MTSS2: variants seen among roughly 807,000 people sequenced by gnomAD.
MTSS2 encodes protein MTSS 2.
MTSS2 carries 27 observed loss-of-function variants against 67.1 expected under a neutral mutation model. The ratio of observed to expected loss-of-function variants is 0.40; its 90% confidence interval spans 0.30 to 0.55. The LOEUF (loss-of-function observed/expected upper bound fraction) is 0.55. Ranked by LOEUF, MTSS2 falls within the 20% of genes least tolerant of loss-of-function variation. MTSS2 has a pLI of 0.43. For missense variants in MTSS2, 1,171 were observed against 1,067.8 expected, an observed-to-expected ratio of 1.10 and a Z score of -1.35; for synonymous variants, 624 against 468.6, an observed-to-expected ratio of 1.33 and a Z score of -4.28.
intron 11 of MTSS2, among the ~76,000 whole-genome samples, chr16:70,669,905 C>A (rs567764430): frequency 7.2e-5 from 11 of 151,984 alleles, no homozygotes; most frequent in Non-Finnish European, 1.2e-4. Flanking sequence ...TTACTCTGCA[C>A]CCACTAGAAT....
intron 11 of MTSS2, among the ~76,000 whole-genome samples, chr16:70,666,354 G>A (rs1447519191): frequency 6.6e-6 from 1 of 152,170 alleles, no homozygotes; most frequent in Non-Finnish European, 1.5e-5. Flanking sequence ...TCTGGGCAGT[G>A]GGCTGGACTA....
intron 11 of MTSS2, among the ~76,000 whole-genome samples, chr16:70,673,610 G>T (rs2053013060): frequency 6.6e-6 from 1 of 152,146 alleles, no homozygotes; most frequent in African/African-American, 2.4e-5. Flanking sequence ...TGGAGGATTT[G>T]AGATGCAAGA....
Position 70,679,892 on chromosome 16 carries a change from C to A in MTSS2, c.291-15G>T. ...CCAGCAGTGCGCTGCGGAGGGCGGG[C>A]GGGAGCGCAGGTCAGGGCCGGGCTC... On this transcript the variant is annotated splice_polypyrimidine_tract_variant and intron_variant, in intron 4 of 14. Coordinates refer to ENST00000338779, the MANE Select transcript of MTSS2 (RefSeq NM_138383.3). 1 of 1,585,986 alleles carries A rather than the reference C, an allele frequency of 6.3e-7. No individual in the cohort carries two copies.
intron 11 of MTSS2, among the ~76,000 whole-genome samples, chr16:70,668,332 C>A (rs1444399560): frequency 6.6e-6 from 1 of 151,546 alleles, no homozygotes; most frequent in Non-Finnish European, 1.5e-5. Context: ...TTGCTTAAGC[C>A]TGGGGACAGA....
chr16:70,679,196 C>A, intron 7 of MTSS2, 119 bp downstream of exon 7: 1 of 1,343,912 alleles, frequency 7.4e-7, no homozygotes, highest in Non-Finnish European at 1.1e-6. Flanking sequence ...CGTGGACCGA[C>A]CGCCTTCCTC....
At chr16:70,677,079 G>A in intron 9 of MTSS2, 101 bp from the exon 10 acceptor site, 2 of 896,726 alleles carry the variant, frequency 2.2e-6, no homozygotes, top group Non-Finnish European at 3.4e-6. Flanking sequence ...CATCCCAGGA[G>A]AAGACCCAGA....
At chr16:70,679,375 T>C (rs1254333004) in intron 6 of MTSS2, 52 bp from the exon 7 acceptor site, 2 of 1,608,000 alleles carry the variant, frequency 1.2e-6, no homozygotes, top group South Asian at 2.2e-5. Context: ...AGAAAGAATG[T>C]GTGAAAGACG....
At position 70,664,525 on chromosome 16, in the gene MTSS2, G is replaced by C. The variant is rs548050446; in HGVS notation, c.1471+73C>G. 1.5e-5 allele frequency: 24 copies of C among 1,574,962 alleles called. No homozygotes were observed. The East Asian group carries it at 2.7e-4, about 18-fold the overall frequency. ...CCAGCCCACCAGGGTGAGCACAGAG[G>C]GGGAAGGACGGGGCCCTCCTGGATG... is the stretch of plus-strand genomic sequence containing the variant. On this transcript the variant is annotated intron_variant, in intron 14 of 14. Coordinates refer to ENST00000338779, the MANE Select transcript of MTSS2 (RefSeq NM_138383.3).
chr16:70,673,000 A>AAAAT (rs1366074958), intron 11 of MTSS2, among the ~76,000 whole-genome samples: 1 of 152,098 alleles, frequency 6.6e-6, no homozygotes, highest in Non-Finnish European at 1.5e-5. Context: ...GTCTCTACTA[A>AAAAT]AAATACAAAA....
At chr16:70,665,570 A>G (rs750963416) in intron 11 of MTSS2, 30 bp from the exon 12 acceptor site, 2 of 1,536,672 alleles carry the variant, frequency 1.3e-6, no homozygotes, top group South Asian at 1.2e-5. Context: ...AGGCGGTTGC[A>G]GACAGAGGGG....
At position 70,663,905 on chromosome 16, in the gene MTSS2, G is replaced by A; in HGVS notation, c.2016C>T (p.His672=). ...GCTCCCCCAGCTTCTCCACCAGGCTGTGCCGGTTGGCCGCCAGCTGCTGCT... is the reference window on the plus strand; with the variant it reads ...GCTCCCCCAGCTTCTCCACCAGGCTATGCCGGTTGGCCGCCAGCTGCTGCT... ...DEQQQLAANR[H]SLVEKLGELV... is the part of the protein sequence containing the mutation. Residue 672 remains histidine, a synonymous_variant, in exon 15 of 15, where the codon CAC becomes CAT. Coordinates refer to ENST00000338779, the MANE Select transcript of MTSS2 (RefSeq NM_138383.3). 1 of 1,549,012 alleles carries A rather than the reference G, an allele frequency of 6.5e-7. No homozygotes were observed. Among genetic ancestry groups the A allele is most frequent in the Non-Finnish European group, 8.7e-7 (1 of 1,149,070 alleles).
chr16:70,680,712 C>T, intron 3 of MTSS2, 82 bp downstream of exon 3: 1 of 1,282,702 alleles, frequency 7.8e-7, no homozygotes, highest in East Asian at 2.5e-5. Context: ...CCGTCCTTTC[C>T]CTGGCCCATC....
At chr16:70,677,989 C>T (rs2053175838) in intron 8 of MTSS2, 90 bp from the exon 9 acceptor site, 1 of 1,151,284 alleles carries the variant, frequency 8.7e-7, no homozygotes, top group Non-Finnish European at 1.2e-6. Context: ...CCTTGTCGGG[C>T]CTCTCCTCTC....
intron 1 of MTSS2, among the ~76,000 whole-genome samples, chr16:70,682,914 G>C (rs964332739): frequency 6.6e-6 from 1 of 151,560 alleles, no homozygotes; most frequent in East Asian, 1.9e-4. Flanking sequence ...CAGGGTGGCG[G>C]GGTCAGGACC....
At chr16:70,674,920 C>G (rs2053066815) in intron 10 of MTSS2, among the ~76,000 whole-genome samples, 1 of 152,136 alleles carries the variant, frequency 6.6e-6, no homozygotes, top group African/African-American at 2.4e-5. Context: ...CAAGACCAGC[C>G]TGGAGAACAT....
At position 70,665,376 on chromosome 16, in the gene MTSS2, G is replaced by A. The variant is rs1220121162; in HGVS notation, c.1128+90C>T. 7.3e-6 allele frequency: 10 copies of A among 1,362,756 alleles called. No individual in the cohort carries two copies. The East Asian group carries it at 2.0e-4, about 27-fold the overall frequency. The allele number at this position is 1,362,756 out of a possible 1,614,324, so 84.4% of individuals were successfully genotyped here. On this transcript the variant is annotated intron_variant, in intron 12 of 14. Transcript: ENST00000338779. ...TGCACGCACCCCTGGCTGAACCCAG[G>A]CCCTTTGTGCAGTAATGGCACCAGG...
chr16:70,668,430 ATAAT>A (rs1347216020), intron 11 of MTSS2, among the ~76,000 whole-genome samples: 15 of 152,098 alleles, frequency 9.9e-5, no homozygotes, highest in African/African-American at 2.2e-4. Flanking sequence ...CTTTTTATAA[ATAAT>A]TAAGATGGTT....
chr16:70,674,574 G>A, intron 10 of MTSS2, 46 bp from the exon 11 acceptor site: 3 of 1,558,778 alleles, frequency 1.9e-6, no homozygotes, highest in Middle Eastern at 2.1e-4. Context: ...CAGGGAGACA[G>A]AGGGGTGTGT....
chr16:70,663,782 G>A lies in MTSS2; in HGVS notation c.2139C>T (p.Ala713=), dbSNP rs188606518. 2,116 of 1,520,314 alleles carry A rather than the reference G, an allele frequency of 1.4e-3. 29 individuals carry two copies. In the African/African-American group the frequency reaches 0.025, roughly 18 times the overall value. The allele number at this position is 1,520,314 out of a possible 1,614,324, so 94.2% of individuals were successfully genotyped here. A position where few individuals can be genotyped will look rare whatever the true frequency, so the allele number is the denominator to read the frequency against. ...CTTCGGCCGGGGGGTCGCTGGTGGC[G>A]GCTGGGGGTGGGGTGGGCGTCTCCT... ...PTEETPTPPP[A]ATSDPPAEDM... Residue 713 remains alanine (A), a synonymous_variant, in exon 15 of 15, where the codon GCC becomes GCT. Transcript: ENST00000338779.
Sources: gnomAD v4.1 joint callset for allele counts (sites outside exome capture counted in the v4.1 genomes callset) on GRCh38, gnomAD v4.1.1 for gene constraint, MANE v1.5 for transcripts, NCBI Gene and HGNC (gene_info 2026-07-23, HGNC 2026-07-21) for gene names.